HECW2: variants seen among roughly 807,000 people sequenced by gnomAD.
HECW2 encodes E3 ubiquitin-protein ligase HECW2.
A neutral mutation model predicts 175.2 loss-of-function variants in HECW2; 61 were observed. That is an observed-to-expected ratio of 0.35 (90% confidence interval 0.28 to 0.43). The LOEUF is 0.43. Among genes scored for constraint, HECW2 ranks in the 20% least tolerant of loss-of-function variants. The pLI is 1.00. For synonymous variants in HECW2, 671 were observed against 731.0 expected, an observed-to-expected ratio of 0.92 and a Z score of 1.32; for missense variants, 1,524 against 2,000.5, an observed-to-expected ratio of 0.76 and a Z score of 4.54.
rs186961734 is a variant in HECW2, at chr2:196,213,959, T to A, written c.4607+1906A>T. On this transcript the variant is annotated intron_variant, in intron 28 of 28. Coordinates refer to ENST00000644978, the MANE Select transcript of HECW2 (RefSeq NM_001348768.2). ...AGTTAGCTGGTGGCAGAGGTGGGAC[T>A]AGAAGCTAGGTCTTTTAACTCCTAC... 2.6e-5 allele frequency among the ~76,000 whole-genome samples: 4 copies of A among 152,340 alleles called. No homozygotes were observed. The East Asian group carries it at 7.7e-4, about 29-fold the overall frequency.
intron 1 of HECW2, among the ~76,000 whole-genome samples, chr2:196,501,282 C>CA (rs1234931501): frequency 1.3e-5 from 2 of 152,092 alleles, no homozygotes; most frequent in East Asian, 3.8e-4. Context: ...CAGAAATTGA[C>CA]AAAAAGAATT....
At chr2:196,531,164 G>C (rs559824441) in intron 1 of HECW2, among the ~76,000 whole-genome samples, 21 of 152,180 alleles carry the variant, frequency 1.4e-4, no homozygotes, top group Non-Finnish European at 2.5e-4. Flanking sequence ...TTAGTGAAAT[G>C]AGTGATCAAG....
intron 1 of HECW2, among the ~76,000 whole-genome samples, chr2:196,457,438 A>AT: frequency 6.6e-6 from 1 of 152,328 alleles, no homozygotes; most frequent in East Asian, 1.9e-4. Context: ...TACTCCAAGC[A>AT]TGTTGTTCAA....
chr2:196,288,624 C>T (rs1690484143), intron 14 of HECW2: 1 of 152,134 alleles, frequency 6.6e-6, no homozygotes, highest in African/African-American at 2.4e-5. Context: ...AGTAAAGATT[C>T]ATCAATTAAC....
At position 196,253,972 on chromosome 2, in the gene HECW2, G is replaced by C; in HGVS notation, c.3477C>G (p.Ser1159Arg). The change falls in exon 19 of 29, where the codon AGC (serine) becomes AGG (arginine). Residue 1159 changes from serine to arginine, a missense_variant. Ser to Arg is a moderately radical substitution (Grantham distance 110). Coordinates refer to ENST00000644978, the MANE Select transcript of HECW2 (RefSeq NM_001348768.2). ...YVPPHALLHP[S>R]YCQSPRGSPV... is the part of the protein sequence containing the mutation. ...GAGAGCCACGTGGGGACTGACAGTA[G>C]CTGGGGTGGAGTAAGGCATGTGGAG... is the stretch of plus-strand genomic sequence containing the variant. The C allele has an allele frequency of 6.2e-7, 1 of 1,614,092 alleles. No individual in the cohort carries two copies. The highest frequency in any genetic ancestry group is 8.5e-7 in the Non-Finnish European group (1 of 1,179,950).
At chr2:196,243,188 A>G (rs1282493259) in intron 19 of HECW2, among the ~76,000 whole-genome samples, 1 of 66,674 alleles carries the variant, frequency 1.5e-5, no homozygotes, top group East Asian at 3.4e-4. Context: ...TTTTTTTGAG[A>G]CGGAGTTTCG....
At chr2:196,360,456 A>C (rs1242917822) in intron 2 of HECW2, among the ~76,000 whole-genome samples, 1 of 152,184 alleles carries the variant, frequency 6.6e-6, no homozygotes, top group African/African-American at 2.4e-5. Flanking sequence ...CAGAAAACCA[A>C]ATACTGCATG....
At chr2:196,208,940 A>T (rs1319014245) in intron 28 of HECW2, among the ~76,000 whole-genome samples, 1 of 152,192 alleles carries the variant, frequency 6.6e-6, no homozygotes, top group African/African-American at 2.4e-5. Context: ...TGTTGAGTGC[A>T]GAATGAATGA....
At chr2:196,281,240 T>C (rs950355269) in intron 14 of HECW2, among the ~76,000 whole-genome samples, 1 of 35,254 alleles carries the variant, frequency 2.8e-5, no homozygotes, top group East Asian at 1.2e-3. Flanking sequence ...TTTAGGGCTG[T>C]GCCTGGGAGA....
intron 1 of HECW2, among the ~76,000 whole-genome samples, chr2:196,519,561 T>C (rs1336441948): frequency 6.6e-6 from 1 of 152,182 alleles, no homozygotes; most frequent in Non-Finnish European, 1.5e-5. Flanking sequence ...AATTTTGTTC[T>C]TGCCTCTCAT....
At chr2:196,461,794 G>A (rs1047851985) in intron 1 of HECW2, among the ~76,000 whole-genome samples, 9 of 151,980 alleles carry the variant, frequency 5.9e-5, no homozygotes, top group African/African-American at 1.9e-4. Flanking sequence ...GAACAGCATG[G>A]GGGAACCATC....
intron 1 of HECW2, among the ~76,000 whole-genome samples, chr2:196,455,962 T>C (rs1441736713): frequency 4.6e-5 from 7 of 152,194 alleles, no homozygotes; most frequent in Admixed American, 3.9e-4. Context: ...TCATCTAGTA[T>C]TCTTGACTTC....
chr2:196,247,369 A>G (rs945127941), intron 19 of HECW2, among the ~76,000 whole-genome samples: 1 of 152,240 alleles, frequency 6.6e-6, no homozygotes, highest in Non-Finnish European at 1.5e-5. Flanking sequence ...TGTTACTTCC[A>G]CTTTGGAAAT....
intron 2 of HECW2, among the ~76,000 whole-genome samples, chr2:196,380,350 T>C (rs1694173732): frequency 1.3e-5 from 2 of 152,226 alleles, no homozygotes; most frequent in South Asian, 4.1e-4. Flanking sequence ...ATAAGGTCTC[T>C]CCTGGGTATG....
intron 20 of HECW2, among the ~76,000 whole-genome samples, chr2:196,241,545 A>C (rs1166002700): frequency 6.6e-6 from 1 of 152,174 alleles, no homozygotes; most frequent in East Asian, 1.9e-4. Context: ...GGAGAGAAAG[A>C]AGGGTAAGTA....
rs185198593 is a variant in HECW2, at chr2:196,411,439, C to A, written c.292+21693G>T. Among the ~76,000 whole-genome samples, 251 of 152,308 alleles carry A rather than the reference C, an allele frequency of 1.6e-3. 6 individuals carry two copies. Among genetic ancestry groups the A allele is most frequent in the Admixed American group, 0.014 (218 of 15,292 alleles). ...ACAAACAAACAAAAAACTCGCAAGG[C>A]ATTTAAGGTTTAAAAAAAGCAATCC... On this transcript the variant is annotated intron_variant, in intron 2 of 28. Coordinates refer to ENST00000644978, the MANE Select transcript of HECW2 (RefSeq NM_001348768.2).
chr2:196,479,864 A>G (rs1338011694), intron 1 of HECW2, among the ~76,000 whole-genome samples: 1 of 152,146 alleles, frequency 6.6e-6, no homozygotes, highest in African/African-American at 2.4e-5. Context: ...TGTCTCTTAA[A>G]TGGTCTCCCT....
intron 2 of HECW2, among the ~76,000 whole-genome samples, chr2:196,361,210 C>G (rs1214027679): frequency 6.6e-6 from 1 of 152,080 alleles, no homozygotes; most frequent in Non-Finnish European, 1.5e-5. Flanking sequence ...CTATAGAAAA[C>G]TGAGTCAGTT....
At chr2:196,365,889 T>C (rs556613352) in intron 2 of HECW2, among the ~76,000 whole-genome samples, 7 of 152,294 alleles carry the variant, frequency 4.6e-5, no homozygotes, top group Admixed American at 2.6e-4. Flanking sequence ...AACTAGGGGA[T>C]AGATTGAATA....
Sources: gnomAD v4.1 joint callset for allele counts (sites outside exome capture counted in the v4.1 genomes callset) on GRCh38, gnomAD v4.1.1 for gene constraint, MANE v1.5 for transcripts, NCBI Gene and HGNC (gene_info 2026-07-23, HGNC 2026-07-21) for gene names.